The following RARB variants were observed in gnomAD, a reference collection of about 807,000 sequenced individuals.
RARB encodes the protein retinoic acid receptor beta.
In RARB, 17 loss-of-function variants were observed where a neutral mutation model predicts 51.9. The observed-to-expected ratio is 0.33, with a 90% CI of 0.22 to 0.49. The LOEUF is 0.49. Ranked by LOEUF, RARB falls within the 20% of genes least tolerant of loss-of-function variation. The probability of loss-of-function intolerance (pLI) is 0.99; values close to 1 mark genes in which losing one functional copy is unlikely to be tolerated. For synonymous variants in RARB, 215 were observed against 195.4 expected (o/e 1.10, Z -0.84); for missense variants, 369 against 550.8 (o/e 0.67, Z 3.30).
At chr3:24,909,508 T>G (rs983250244) in intron 2 of RARB, among the ~76,000 whole-genome samples, 3 of 151,992 alleles carry the variant, frequency 2.0e-5, no homozygotes, top group African/African-American at 7.2e-5. Context: ...TCCTCGTGAC[T>G]CAGTATCACT....
At chr3:24,898,384 G>A (rs1301488936) in intron 2 of RARB, among the ~76,000 whole-genome samples, 1 of 150,510 alleles carries the variant, frequency 6.6e-6, no homozygotes. Context: ...ATAACAAATA[G>A]GAATAAATTA....
At chr3:24,948,023 C>T (rs998382190) in intron 2 of RARB, among the ~76,000 whole-genome samples, 2 of 151,940 alleles carry the variant, frequency 1.3e-5, no homozygotes, top group Admixed American at 6.6e-5. Flanking sequence ...TAGACAAGTA[C>T]CTACTTGATA....
chr3:25,261,719 T>C (rs922075872), intron 5 of RARB, among the ~76,000 whole-genome samples: 7 of 152,126 alleles, frequency 4.6e-5, no homozygotes, highest in Non-Finnish European at 1.0e-4. Flanking sequence ...ATTCTGTATC[T>C]CACTCGAGGG....
intron 3 of RARB, among the ~76,000 whole-genome samples, chr3:25,128,614 C>T (rs1336352626): frequency 6.6e-6 from 1 of 151,028 alleles, no homozygotes; most frequent in East Asian, 1.9e-4. Flanking sequence ...TACATTTTAC[C>T]TTTGTGAGTG....
At chr3:24,987,300 G>A (rs772240607) in intron 2 of RARB, among the ~76,000 whole-genome samples, 3 of 151,854 alleles carry the variant, frequency 2.0e-5, no homozygotes, top group African/African-American at 4.8e-5. Flanking sequence ...TCAAGGTAAA[G>A]ACACAATTAA....
At chr3:25,543,361 C>T (rs908638355) in intron 3 of RARB, among the ~76,000 whole-genome samples, 7 of 152,108 alleles carry the variant, frequency 4.6e-5, no homozygotes, top group Non-Finnish European at 8.8e-5. Context: ...GCACCTCGCT[C>T]CCCCCAACCA....
At chr3:25,412,802 C>A (rs1485360132) in intron 5 of RARB, among the ~76,000 whole-genome samples, 1 of 152,060 alleles carries the variant, frequency 6.6e-6, no homozygotes, top group African/African-American at 2.4e-5. Flanking sequence ...GGCAGATCAC[C>A]TCAGGTTGGG....
At chr3:24,966,243 G>C (rs1575095503) in intron 2 of RARB, among the ~76,000 whole-genome samples, 1 of 146,890 alleles carries the variant, frequency 6.8e-6, no homozygotes, top group Non-Finnish European at 1.6e-5. Context: ...CTAGAAGGAG[G>C]GGGAGGTGAA....
At chr3:25,288,689 C>T in intron 5 of RARB, among the ~76,000 whole-genome samples, 1 of 152,084 alleles carries the variant, frequency 6.6e-6, no homozygotes, top group East Asian at 1.9e-4. Flanking sequence ...GAAACAATAA[C>T]AGAAGAGAGC....
At chr3:25,309,660 G>C (rs1431002193) in intron 5 of RARB, among the ~76,000 whole-genome samples, 1 of 150,292 alleles carries the variant, frequency 6.7e-6, no homozygotes, top group East Asian at 2.0e-4. Flanking sequence ...ACCACACCTG[G>C]CTAATTTTTG....
intron 5 of RARB, among the ~76,000 whole-genome samples, chr3:25,420,559 A>T: frequency 6.6e-6 from 1 of 152,232 alleles, no homozygotes; most frequent in Admixed American, 6.5e-5. Flanking sequence ...TTTCATCAGA[A>T]AATTCTTTTC....
rs143939304 is a variant in RARB at position 25,422,729 on chromosome 3, C to G, written c.179-38464C>G. Among the ~76,000 whole-genome samples, 3 of 151,468 alleles carry G rather than the reference C, an allele frequency of 2.0e-5. No homozygotes were observed. The East Asian group carries it at 5.8e-4, about 29-fold the overall frequency. On this transcript the variant is annotated intron_variant, in intron 5 of 11. Coordinates refer to the RARB transcript ENST00000383772. ...TCTAGATGAATAATATAATAAAAAG[C>G]CCTATTATTCTTCATGAGATACACA...
chr3:25,244,417 T>C (rs1230539934), intron 5 of RARB, among the ~76,000 whole-genome samples: 8 of 152,178 alleles, frequency 5.3e-5, no homozygotes, highest in Admixed American at 6.5e-5. Flanking sequence ...GTGTCAATTT[T>C]AGATCTTTCC....
intron 3 of RARB, among the ~76,000 whole-genome samples, chr3:25,549,652 G>C (rs776605285): frequency 2.6e-5 from 4 of 152,010 alleles, no homozygotes; most frequent in Non-Finnish European, 4.4e-5. Flanking sequence ...TTTTAAGAGG[G>C]AAGTTACCTA....
At chr3:24,996,078 C>T (rs892830244) in intron 2 of RARB, among the ~76,000 whole-genome samples, 2 of 152,074 alleles carry the variant, frequency 1.3e-5, no homozygotes, top group Non-Finnish European at 2.9e-5. Context: ...AGAGGTGAAG[C>T]CATTGGTTCT....
chr3:25,124,413 C>T (rs1045884581), intron 3 of RARB, among the ~76,000 whole-genome samples: 4 of 152,096 alleles, frequency 2.6e-5, no homozygotes, highest in Non-Finnish European at 5.9e-5. Context: ...CTTTATTTCC[C>T]GAACTTTCTT....
chr3:25,247,573 G>A (rs771816367), intron 5 of RARB, among the ~76,000 whole-genome samples: 5 of 152,136 alleles, frequency 3.3e-5, no homozygotes, highest in Non-Finnish European at 7.3e-5. Context: ...GTCGAGGGGA[G>A]GGAGTTCCCT....
chr3:25,286,367 C>T (rs772774694), intron 5 of RARB, among the ~76,000 whole-genome samples: 18 of 152,152 alleles, frequency 1.2e-4, no homozygotes, highest in Non-Finnish European at 1.9e-4. Flanking sequence ...GGATTACAGG[C>T]GTGAGACACT....
In RARB at chr3:25,428,924, A is replaced by G. The variant is rs748551833; in HGVS notation, c.157+36A>G. 1.0e-5 allele frequency: 16 copies of G among 1,570,482 alleles called. No individual in the cohort carries two copies. The South Asian group carries it at 1.8e-4, about 18-fold the overall frequency. Reference sequence around the variant, plus strand: ...TTTTTTCCCTTCTTCTACCAAGAAAAAAAAAATTGTCTCTCTTGCATGCAA... The same window carrying G: ...TTTTTTCCCTTCTTCTACCAAGAAAGAAAAAATTGTCTCTCTTGCATGCAA... On this transcript the variant is annotated intron_variant, in intron 1 of 7. Coordinates refer to ENST00000330688, the MANE Select transcript of RARB (RefSeq NM_000965.5).
Sources: gnomAD v4.1 joint callset for allele counts (sites outside exome capture counted in the v4.1 genomes callset) on GRCh38, gnomAD v4.1.1 for gene constraint, MANE v1.5 for transcripts, NCBI Gene and HGNC (gene_info 2026-07-23, HGNC 2026-07-21) for gene names.